Variants in APPL2 observed in about 807,000 individuals in gnomAD.
The protein encoded by APPL2 is DCC-interacting protein 13-beta.
Under a neutral mutation model 92.7 loss-of-function variants are expected in APPL2, and 84 were observed. The ratio of observed to expected loss-of-function variants is 0.91; its 90% CI spans 0.76 to 1.09. APPL2 has a LOEUF of 1.09. Ranked by LOEUF, APPL2 falls within the 50% of genes least tolerant of loss-of-function variation. The probability of loss-of-function intolerance (pLI) is 0.00; values close to 1 mark genes in which losing one functional copy is unlikely to be tolerated. For synonymous variants in APPL2, 291 were observed against 291.0 expected (o/e 1.00, Z 0.00); for missense variants, 736 against 824.5 (o/e 0.89, Z 1.31).
At chr12:105,196,707 C>A (rs1162283520) in intron 11 of APPL2, among the ~76,000 whole-genome samples, 1 of 152,172 alleles carries the variant, frequency 6.6e-6, no homozygotes, top group Non-Finnish European at 1.5e-5. Context: ...TCCCAAAGTG[C>A]TGGGATTATA....
chr12:105,220,051 A>G (rs1020861801), intron 2 of APPL2, among the ~76,000 whole-genome samples: 1 of 152,244 alleles, frequency 6.6e-6, no homozygotes, highest in South Asian at 2.1e-4. Flanking sequence ...ACTCTATTTT[A>G]TAGATGAAGA....
chr12:105,234,206 G>A (rs1173654343), intron 1 of APPL2, among the ~76,000 whole-genome samples: 1 of 152,154 alleles, frequency 6.6e-6, no homozygotes, highest in African/African-American at 2.4e-5. Flanking sequence ...AACCTCCTCT[G>A]CCACATACAA....
intron 16 of APPL2, among the ~76,000 whole-genome samples, chr12:105,189,222 G>A (rs150741662): frequency 1.2e-4 from 18 of 152,150 alleles, no homozygotes; most frequent in African/African-American, 4.1e-4. Context: ...TAGAGACAGG[G>A]TTCTCACTGT....
intron 4 of APPL2, among the ~76,000 whole-genome samples, chr12:105,214,747 G>A (rs1024717011): frequency 6.8e-6 from 1 of 146,098 alleles, no homozygotes; most frequent in Non-Finnish European, 1.5e-5. Flanking sequence ...TTGTTCTGAT[G>A]AGGCAACTCC....
At chr12:105,218,476 TGACA>T (rs1379848026) in intron 2 of APPL2, among the ~76,000 whole-genome samples, 1 of 152,226 alleles carries the variant, frequency 6.6e-6, no homozygotes, top group East Asian at 1.9e-4. Context: ...TGGGAGGCTC[TGACA>T]GACAGTCTCC....
At chr12:105,209,768 A>T (rs1199092871) in intron 5 of APPL2, among the ~76,000 whole-genome samples, 1 of 152,218 alleles carries the variant, frequency 6.6e-6, no homozygotes, top group Non-Finnish European at 1.5e-5. Flanking sequence ...ACTAAAAAGC[A>T]CTAAAATTCC....
At chr12:105,186,961 C>A (rs1322646785) in intron 17 of APPL2, among the ~76,000 whole-genome samples, 3 of 151,746 alleles carry the variant, frequency 2.0e-5, no homozygotes, top group Non-Finnish European at 4.4e-5. Context: ...TATAAGAGTT[C>A]TTTGTATATT....
chr12:105,191,354 C>T (rs1484714626), intron 14 of APPL2, among the ~76,000 whole-genome samples: 2 of 152,180 alleles, frequency 1.3e-5, no homozygotes, highest in Admixed American at 1.3e-4. Flanking sequence ...GAGTGCATCT[C>T]CAGGATGTCA....
At chr12:105,214,075 C>T (rs1026367119) in intron 4 of APPL2, among the ~76,000 whole-genome samples, 1 of 152,132 alleles carries the variant, frequency 6.6e-6, no homozygotes, top group Non-Finnish European at 1.5e-5. Context: ...ATCCCAGCTG[C>T]TTGGAAAGGC....
chr12:105,197,675 G>A, intron 11 of APPL2, 90 bp downstream of exon 11: 1 of 1,503,468 alleles, frequency 6.7e-7, no homozygotes, highest in South Asian at 1.2e-5. Flanking sequence ...TCCCACAGAG[G>A]GCTGGCACAT....
intron 4 of APPL2, among the ~76,000 whole-genome samples, chr12:105,211,869 C>T (rs1365164161): frequency 6.6e-6 from 1 of 152,144 alleles, no homozygotes; most frequent in Non-Finnish European, 1.5e-5. Context: ...GCCTGTAATC[C>T]CAGCACTTTG....
chr12:105,230,892 T>A (rs1890873260), intron 1 of APPL2, among the ~76,000 whole-genome samples: 1 of 152,196 alleles, frequency 6.6e-6, no homozygotes, highest in African/African-American at 2.4e-5. Flanking sequence ...TTAAAAAAGC[T>A]CTCAGTGAAA....
chr12:105,187,184 T>G (rs1251496008), intron 17 of APPL2, among the ~76,000 whole-genome samples: 2 of 152,274 alleles, frequency 1.3e-5, no homozygotes, highest in Non-Finnish European at 2.9e-5. Flanking sequence ...AAAGAACAGG[T>G]TTTATTAATA....
chr12:105,217,788 G>T, intron 2 of APPL2, 63 bp from the exon 3 acceptor site: 1 of 1,505,906 alleles, frequency 6.6e-7, no homozygotes, highest in Non-Finnish European at 9.2e-7. Context: ...ACTGAAAAAT[G>T]CCATCTCTGA....
chr12:105,196,058 C>CAAAAAAA (rs371863529), intron 11 of APPL2, among the ~76,000 whole-genome samples: 10 of 121,562 alleles, frequency 8.2e-5, no homozygotes, highest in East Asian at 4.7e-4. Flanking sequence ...CTATCTCAAA[C>CAAAAAAA]AAAAAAAAAA....
chr12:105,206,580 T>C (rs954600250), intron 8 of APPL2, among the ~76,000 whole-genome samples: 2 of 152,154 alleles, frequency 1.3e-5, no homozygotes, highest in African/African-American at 4.8e-5. Context: ...AAAGGAGACC[T>C]CATAAAGCAC....
chr12:105,235,806 C>G (rs1349989150), intron 1 of APPL2, among the ~76,000 whole-genome samples, 153 bp downstream of exon 1: 1 of 152,034 alleles, frequency 6.6e-6, no homozygotes, highest in Non-Finnish European at 1.5e-5. Context: ...CCGCCCCCTC[C>G]TCAGCCCGAG....
At chr12:105,185,553 C>T (rs917002159) in intron 17 of APPL2, among the ~76,000 whole-genome samples, 8 of 151,898 alleles carry the variant, frequency 5.3e-5, no homozygotes, top group African/African-American at 1.9e-4. Flanking sequence ...CACGCTACTT[C>T]TGCTTGCCCT....
At chr12:105,210,969 C>T (rs147004705) in intron 5 of APPL2, among the ~76,000 whole-genome samples, 1 of 152,308 alleles carries the variant, frequency 6.6e-6, no homozygotes, top group African/African-American at 2.4e-5. Context: ...TGTTTCTACT[C>T]CTGTGCGTCT....
Sources: allele counts gnomAD v4.1 joint callset (sites outside exome capture counted in the v4.1 genomes callset), GRCh38; gene constraint gnomAD v4.1.1; transcripts MANE v1.5; gene names NCBI Gene and HGNC (gene_info 2026-07-23, HGNC 2026-07-21).